WDR72: variants seen among roughly 807,000 people sequenced by gnomAD.
The protein encoded by WDR72 is WD repeat-containing protein 72.
A neutral mutation model predicts 124.2 loss-of-function variants in WDR72; 120 were observed. The observed-to-expected ratio is 0.97, with a 90% CI of 0.83 to 1.12. The LOEUF is 1.12. Ranked by LOEUF, WDR72 falls within the 50% of genes most tolerant of loss-of-function variation. The pLI is 0.00. For missense variants in WDR72, 1,387 were observed against 1,278.8 expected, an observed-to-expected ratio of 1.08 and a Z score of -1.29; for synonymous variants, 452 against 441.7, an observed-to-expected ratio of 1.02 and a Z score of -0.29.
rs1891338916 is a variant in WDR72, at chr15:53,514,727, T to C, written c.*2972A>G. 1 of 152,070 alleles carries C rather than the reference T, an allele frequency of 6.6e-6. No homozygotes were observed. The highest frequency in any genetic ancestry group is 1.5e-5 in the Non-Finnish European group (1 of 68,006). 9.4% of individuals were successfully genotyped at this position (152,070 alleles called of 1,614,324 possible). ...GTGTGTTTCTAACATTATACATTTT[T>C]CCTTATATTTGAAGTGTTTAATAGT... On this transcript the variant is annotated 3_prime_UTR_variant, in exon 20 of 20. Coordinates refer to ENST00000360509, the MANE Select transcript of WDR72 (RefSeq NM_182758.4).
chr15:53,526,131 G>A (rs1025062522), intron 18 of WDR72, among the ~76,000 whole-genome samples: 21 of 151,994 alleles, frequency 1.4e-4, no homozygotes, highest in African/African-American at 4.3e-4. Flanking sequence ...AGAGCTCTGT[G>A]CTGGACTGTG....
chr15:53,662,355 C>T (rs1711020), intron 14 of WDR72, among the ~76,000 whole-genome samples: 13,589 of 152,146 alleles, frequency 0.089, 1,599 homozygotes, highest in African/African-American at 0.27. Flanking sequence ...TTTTCTCTTG[C>T]AAACTTTTCC....
chr15:53,624,976 G>A (rs2014146183), intron 14 of WDR72, among the ~76,000 whole-genome samples: 1 of 152,068 alleles, frequency 6.6e-6, no homozygotes, highest in Admixed American at 6.6e-5. Context: ...TTTAGCAAAG[G>A]CTGTAGTTAA....
chr15:53,540,956 A>G (rs1288659522), intron 18 of WDR72: 1 of 157,446 alleles, frequency 6.4e-6, no homozygotes, highest in African/African-American at 2.4e-5. Flanking sequence ...ACGGCGCACC[A>G]CGAGATTGTA....
At chr15:53,570,220 G>A (rs1238205392) in intron 18 of WDR72, among the ~76,000 whole-genome samples, 2 of 151,340 alleles carry the variant, frequency 1.3e-5, no homozygotes, top group Non-Finnish European at 2.9e-5. Context: ...ATTGTGGAAT[G>A]GCTAGATTGA....
intron 18 of WDR72, among the ~76,000 whole-genome samples, chr15:53,564,448 A>G (rs1894228088): frequency 6.6e-6 from 1 of 151,852 alleles, no homozygotes; most frequent in Admixed American, 6.6e-5. Context: ...CCTGGTAAAC[A>G]TGCCATGTAT....
At chr15:53,731,741 G>A (rs1300018822) in intron 2 of WDR72, among the ~76,000 whole-genome samples, 1 of 151,942 alleles carries the variant, frequency 6.6e-6, no homozygotes, top group East Asian at 1.9e-4. Flanking sequence ...GTACTGCACT[G>A]TAACCTCCTG....
At chr15:53,632,243 G>T (rs1226823406) in intron 14 of WDR72, among the ~76,000 whole-genome samples, 1 of 152,086 alleles carries the variant, frequency 6.6e-6, no homozygotes, top group Non-Finnish European at 1.5e-5. Flanking sequence ...AGCACCAGTT[G>T]TGGCTCAAAG....
chr15:53,668,143 C>G (rs1281293973), intron 13 of WDR72, among the ~76,000 whole-genome samples: 1 of 152,186 alleles, frequency 6.6e-6, no homozygotes, highest in Non-Finnish European at 1.5e-5. Context: ...TAAGCTATTT[C>G]CACCCAAAAC....
chr15:53,596,830 C>T (rs182058745), intron 18 of WDR72, among the ~76,000 whole-genome samples: 8 of 152,252 alleles, frequency 5.3e-5, no homozygotes, highest in African/African-American at 1.9e-4. Flanking sequence ...ATTTTCAATA[C>T]TCTCTAAGTA....
At chr15:53,695,916 C>A (rs2016989558) in intron 13 of WDR72, among the ~76,000 whole-genome samples, 1 of 152,160 alleles carries the variant, frequency 6.6e-6, no homozygotes, top group South Asian at 2.1e-4. Context: ...CCTCTATAAT[C>A]GAGGAAGGGT....
At chr15:53,563,041 T>A (rs1894179396) in intron 18 of WDR72, among the ~76,000 whole-genome samples, 1 of 151,840 alleles carries the variant, frequency 6.6e-6, no homozygotes, top group South Asian at 2.1e-4. Flanking sequence ...TTTATCTCAG[T>A]GATTTATGCT....
intron 1 of WDR72, among the ~76,000 whole-genome samples, chr15:53,755,727 T>G (rs1169253248): frequency 1.3e-5 from 2 of 152,190 alleles, no homozygotes; most frequent in Non-Finnish European, 2.9e-5. Context: ...AGAGAAGGGC[T>G]AGGCCTGGTT....
intron 10 of WDR72, 102 bp downstream of exon 10, chr15:53,705,823 ATT>A (rs1432946719): frequency 7.1e-6 from 10 of 1,400,348 alleles, no homozygotes; most frequent in Non-Finnish European, 1.0e-5. Flanking sequence ...TACACAATAA[ATT>A]TTTCTTGTTT....
At chr15:53,746,693 T>C (rs1444816212) in intron 1 of WDR72, among the ~76,000 whole-genome samples, 2 of 152,148 alleles carry the variant, frequency 1.3e-5, no homozygotes, top group South Asian at 2.1e-4. Context: ...ATTTTTTTTT[T>C]CCAGAAAACA....
chr15:53,686,376 C>A (rs1331852376), intron 13 of WDR72, among the ~76,000 whole-genome samples: 1 of 150,780 alleles, frequency 6.6e-6, no homozygotes, highest in African/African-American at 2.5e-5. Context: ...ATCTACCAAG[C>A]AAATGGAAAA....
intron 18 of WDR72, among the ~76,000 whole-genome samples, chr15:53,551,979 A>G (rs1893746752): frequency 6.6e-6 from 1 of 152,076 alleles, no homozygotes; most frequent in Admixed American, 6.6e-5. Context: ...TCAGAGTGGG[A>G]AAGGGAGGAA....
chr15:53,743,257 A>G (rs2018556249), intron 1 of WDR72, among the ~76,000 whole-genome samples: 1 of 152,106 alleles, frequency 6.6e-6, no homozygotes, highest in South Asian at 2.1e-4. Context: ...TAAAAAGCTG[A>G]TTTTTATAGA....
chr15:53,515,413 T>C lies in WDR72; in HGVS notation c.*2286A>G, dbSNP rs1202197358. The C allele has an allele frequency of 1.3e-5, 2 of 152,160 alleles. No homozygotes were observed. Among genetic ancestry groups the C allele is most frequent in the Non-Finnish European group, 2.9e-5 (2 of 68,012 alleles). The allele number at this position is 152,160 out of a possible 1,614,324, so 9.4% of individuals were successfully genotyped here. A position where few individuals can be genotyped will look rare whatever the true frequency, so the allele number is the denominator to read the frequency against. On this transcript the variant is annotated 3_prime_UTR_variant, in exon 20 of 20. Transcript: ENST00000360509. ...TCTCATAACAGAAATTACTGAAATATGTGGAACACCAGTCAATATAAAGAA... is the reference window on the plus strand; with the variant it reads ...TCTCATAACAGAAATTACTGAAATACGTGGAACACCAGTCAATATAAAGAA...
Sources: gnomAD v4.1 joint callset for allele counts (sites outside exome capture counted in the v4.1 genomes callset) on GRCh38, gnomAD v4.1.1 for gene constraint, MANE v1.5 for transcripts, NCBI Gene and HGNC (gene_info 2026-07-23, HGNC 2026-07-21) for gene names.